The following PMM2 variants were observed in gnomAD, a reference collection of about 807,000 sequenced individuals.
The protein encoded by PMM2 is mannose-6-phosphate isomerase.
A neutral mutation model predicts 33.2 loss-of-function variants in PMM2; 35 were observed. The observed-to-expected ratio is 1.06, with a 90% CI of 0.81 to 1.40. PMM2 has a LOEUF of 1.40. Among genes scored for constraint, PMM2 ranks in the 40% most tolerant of loss-of-function variants. The pLI, the probability that PMM2 is intolerant of heterozygous loss-of-function variation, is 0.00. For synonymous variants in PMM2, 153 were observed against 114.7 expected (o/e 1.33, Z -2.13); for missense variants, 386 against 306.0 (o/e 1.26, Z -1.95).
intron 3 of PMM2, 21 bp from the exon 4 acceptor site, chr16:8,806,295 T>C: frequency 6.8e-7 from 1 of 1,474,816 alleles, no homozygotes; most frequent in Non-Finnish European, 9.5e-7. Flanking sequence ...ATCAAGTAAC[T>C]CAAGTATTTT....
chr16:8,822,190 G>T (rs567641721), intron 7 of PMM2, among the ~76,000 whole-genome samples: 1 of 152,170 alleles, frequency 6.6e-6, no homozygotes, highest in Non-Finnish European at 1.5e-5. Context: ...GAAATCATAG[G>T]GGGTGGAAGT....
rs958032798 is a variant in PMM2 at position 8,825,411 on chromosome 16, C to T, written c.639+12305C>T. ...CATGATCTCGGCTCACTGCACCCTCCGCCTCCTGGGTTCAAGCGATTCTCC... is the reference window on the plus strand; with the variant it reads ...CATGATCTCGGCTCACTGCACCCTCTGCCTCCTGGGTTCAAGCGATTCTCC... On this transcript the variant is annotated intron_variant, in intron 7 of 7. Coordinates refer to ENST00000268261, the MANE Select transcript of PMM2 (RefSeq NM_000303.3). 5.3e-5 allele frequency among the ~76,000 whole-genome samples: 8 copies of T among 151,078 alleles called. No homozygotes were observed. The South Asian group carries it at 6.3e-4, about 12-fold the overall frequency.
rs898388161 is a variant in PMM2, at chr16:8,839,512, A to G, written c.640-8212A>G. 6.6e-5 allele frequency among the ~76,000 whole-genome samples: 10 copies of G among 152,118 alleles called. No individual in the cohort carries two copies. In the East Asian group the frequency reaches 1.5e-3, roughly 24 times the overall value. ...GAGTATCTACAAGCAACCTTTCACT[A>G]TTATTTTCGGGGCTGGGTAAAAGTA... On this transcript the variant is annotated intron_variant, in intron 7 of 7. Transcript: ENST00000268261.
chr16:8,831,452 G>A (rs1488916267), intron 7 of PMM2, among the ~76,000 whole-genome samples: 1 of 152,162 alleles, frequency 6.6e-6, no homozygotes, highest in Non-Finnish European at 1.5e-5. Flanking sequence ...TGGGAGGATC[G>A]CTTGAGCCCA....
At chr16:8,838,957 A>C (rs1015396744) in intron 7 of PMM2, among the ~76,000 whole-genome samples, 7 of 151,842 alleles carry the variant, frequency 4.6e-5, no homozygotes, top group African/African-American at 1.7e-4. Flanking sequence ...TTGGAGGACA[A>C]CTGCAGCTAA....
intron 7 of PMM2, among the ~76,000 whole-genome samples, chr16:8,827,171 A>G (rs1242853538): frequency 6.6e-6 from 1 of 152,046 alleles, no homozygotes; most frequent in Non-Finnish European, 1.5e-5. Flanking sequence ...TTTCTCCCAA[A>G]ACAGGGTCTG....
intron 7 of PMM2, among the ~76,000 whole-genome samples, chr16:8,841,486 A>AG (rs961436942): frequency 1.5e-5 from 2 of 137,042 alleles, no homozygotes; most frequent in African/African-American, 2.7e-5. Flanking sequence ...TGTGTAGGGA[A>AG]GGGAAGGGGC....
intron 7 of PMM2, chr16:8,832,309 G>C (rs1028080883): frequency 2.0e-6 from 2 of 985,458 alleles, no homozygotes; most frequent in Non-Finnish European, 2.4e-6. Flanking sequence ...GGGTGGAGCT[G>C]AGAAGCAACC....
chr16:8,804,868 CTAT>C (rs745311595), intron 3 of PMM2, 25 bp downstream of exon 3: 55 of 1,397,510 alleles, frequency 3.9e-5, no homozygotes, highest in African/African-American at 5.7e-5. Context: ...ATCTGAATTA[CTAT>C]ATACTATTAA....
At chr16:8,832,799 C>T (rs1596500256) in intron 7 of PMM2, 1 of 984,970 alleles carries the variant, frequency 1.0e-6, no homozygotes, top group Non-Finnish European at 1.2e-6. Flanking sequence ...TGTGGCCCGG[C>T]CCCAGCCCCT....
At position 8,804,837 on chromosome 16, in the gene PMM2, T is replaced by C. The variant is rs2060637756; in HGVS notation, c.249T>C (p.Cys83=). 4 of 1,599,820 alleles carry C rather than the reference T, an allele frequency of 2.5e-6. No individual in the cohort carries two copies. The highest frequency in any genetic ancestry group is 3.4e-6 in the Non-Finnish European group (4 of 1,166,926). Residue 83 remains cysteine (C), a synonymous_variant, in exon 3 of 8, where the codon TGT becomes TGC. Coordinates refer to ENST00000268261, the MANE Select transcript of PMM2 (RefSeq NM_000303.3). ...LVAYKDGKLL[C]RQNIQSHLGE... ...CATACAAAGATGGGAAACTCTTGTG[T>C]AGACAGGTAGGTTCTTGAGTATCTG...
intron 7 of PMM2, among the ~76,000 whole-genome samples, chr16:8,823,529 G>T (rs1022904927): frequency 6.6e-6 from 1 of 151,978 alleles, no homozygotes; most frequent in African/African-American, 2.4e-5. Flanking sequence ...ATAAGTCATA[G>T]TCTTATTAAG....
chr16:8,809,914 A>T lies in PMM2; in HGVS notation c.348-1165A>T, dbSNP rs543407829. 2.0e-5 allele frequency: 3 copies of T among 151,882 alleles called. No individual in the cohort carries two copies. In the South Asian group the frequency reaches 6.3e-4, roughly 32 times the overall value. 9.4% of individuals were successfully genotyped at this position (151,882 alleles called of 1,614,324 possible). On this transcript the variant is annotated intron_variant, in intron 4 of 7. Coordinates refer to ENST00000268261, the MANE Select transcript of PMM2 (RefSeq NM_000303.3). ...CAGCTTCCACTGCCCGGGCCCAAGC[A>T]ATCCTCCTGTCTCAGTCTCCCAAGT...
chr16:8,799,159 A>G (rs1052418047), intron 1 of PMM2, among the ~76,000 whole-genome samples: 3 of 152,220 alleles, frequency 2.0e-5, no homozygotes, highest in Admixed American at 1.3e-4. Context: ...AACCAGCCAT[A>G]AACCCTATAT....
At chr16:8,815,117 A>G (rs2060699815) in intron 7 of PMM2, among the ~76,000 whole-genome samples, 1 of 152,022 alleles carries the variant, frequency 6.6e-6, no homozygotes, top group Admixed American at 6.6e-5. Flanking sequence ...TTATTCACTC[A>G]GTATGTCTTC....
At chr16:8,820,407 G>T (rs909769945) in intron 7 of PMM2, among the ~76,000 whole-genome samples, 1 of 147,690 alleles carries the variant, frequency 6.8e-6, no homozygotes, top group Admixed American at 6.8e-5. Flanking sequence ...AGACTGGAGT[G>T]CAGTGGCGCA....
At chr16:8,811,752 C>A in intron 6 of PMM2, 39 bp downstream of exon 6, 5 of 1,372,442 alleles carry the variant, frequency 3.6e-6, no homozygotes, top group South Asian at 1.2e-5. Context: ...CTTGGATACC[C>A]ATTTCCCAGA....
chr16:8,827,176 G>C (rs957543693), intron 7 of PMM2, among the ~76,000 whole-genome samples: 1 of 151,958 alleles, frequency 6.6e-6, no homozygotes, highest in Non-Finnish European at 1.5e-5. Flanking sequence ...CCCAAAACAG[G>C]GTCTGTGGAG....
chr16:8,847,382 A>AG (rs1555453195), intron 7 of PMM2, among the ~76,000 whole-genome samples: 3 of 151,534 alleles, frequency 2.0e-5, no homozygotes, highest in Non-Finnish European at 4.4e-5. Flanking sequence ...ACAGCTAAAA[A>AG]AAAAAAAAAA....
Sources: allele counts gnomAD v4.1 joint callset (sites outside exome capture counted in the v4.1 genomes callset), GRCh38; gene constraint gnomAD v4.1.1; transcripts MANE v1.5; gene names NCBI Gene and HGNC (gene_info 2026-07-23, HGNC 2026-07-21).